GAS7: variants seen among roughly 807,000 people sequenced by gnomAD.
The protein encoded by GAS7 is growth arrest specific 7, also known as growth arrest-specific protein 7.
GAS7 carries 28 observed loss-of-function variants against 71.1 expected under a neutral mutation model. That is an observed-to-expected ratio of 0.39 (90% CI 0.29 to 0.54). GAS7 has a LOEUF of 0.54. Ranked by LOEUF, GAS7 falls within the 20% of genes least tolerant of loss-of-function variation. The probability of loss-of-function intolerance (pLI) is 0.62; values close to 1 mark genes in which losing one functional copy is unlikely to be tolerated. For missense variants in GAS7, 436 were observed against 627.8 expected (o/e 0.69, Z 3.27); for synonymous variants, 258 against 245.8 (o/e 1.05, Z -0.46).
chr17:10,030,005 G>T (rs578018290), intron 1 of GAS7, among the ~76,000 whole-genome samples: 1 of 152,300 alleles, frequency 6.6e-6, no homozygotes, highest in Admixed American at 6.5e-5. Flanking sequence ...GTGTCCTGTT[G>T]TCCCTCCTGC....
chr17:10,077,758 C>T (rs1003403871), intron 1 of GAS7, among the ~76,000 whole-genome samples: 3 of 152,162 alleles, frequency 2.0e-5, no homozygotes, highest in Non-Finnish European at 4.4e-5. Flanking sequence ...AGATTAAGAT[C>T]AGACCAATTT....
At chr17:10,144,228 C>G (rs1026335176) in intron 1 of GAS7, among the ~76,000 whole-genome samples, 1 of 152,194 alleles carries the variant, frequency 6.6e-6, no homozygotes, top group Non-Finnish European at 1.5e-5. Context: ...CAGCTGTGCC[C>G]ACCTGCTAGT....
intron 1 of GAS7, among the ~76,000 whole-genome samples, chr17:10,047,568 C>A (rs905126137): frequency 1.3e-5 from 2 of 151,926 alleles, no homozygotes; most frequent in African/African-American, 4.8e-5. Context: ...CCTGAAAGCA[C>A]AAAGGAAGAG....
chr17:10,090,809 C>T (rs532173503), intron 1 of GAS7, among the ~76,000 whole-genome samples: 130 of 152,226 alleles, frequency 8.5e-4, no homozygotes, highest in African/African-American at 3.0e-3. Flanking sequence ...CTCAAAACGA[C>T]GGGATGGCAA....
In GAS7 at chr17:9,914,534, TAA is replaced by T. The variant is rs879811965; in HGVS notation, c.*2692_*2693del. On this transcript the variant is annotated 3_prime_UTR_variant, in exon 14 of 14. Coordinates refer to ENST00000432992, the MANE Select transcript of GAS7 (RefSeq NM_201433.2). ...AGCCACCGTGCCCGACCCTTATTTG[TAA>T]AGAGTTATTTAAAGCAAACAGAGAA... 4 of 190,158 alleles carry T rather than the reference TAA, an allele frequency of 2.1e-5. No individual in the cohort carries two copies. The highest frequency in any genetic ancestry group is 4.4e-5 in the Non-Finnish European group (4 of 90,704). The allele number at this position is 190,158 out of a possible 1,614,324, so 11.8% of individuals were successfully genotyped here.
intron 1 of GAS7, among the ~76,000 whole-genome samples, chr17:10,114,966 G>A (rs1485949505): frequency 6.6e-6 from 1 of 152,176 alleles, no homozygotes; most frequent in Non-Finnish European, 1.5e-5. Context: ...GTGGCTGGCA[G>A]GGCTGGGCCA....
chr17:10,167,073 T>TTTTTTTTTTTC (rs138918612), intron 1 of GAS7, among the ~76,000 whole-genome samples: 6 of 116,074 alleles, frequency 5.2e-5, no homozygotes, highest in South Asian at 3.1e-4. Flanking sequence ...TTTTTTTTTT[T>TTTTTTTTTTTC]TGAGACAGAG....
chr17:9,965,011 G>A (rs1041968076), intron 4 of GAS7, among the ~76,000 whole-genome samples: 14 of 152,068 alleles, frequency 9.2e-5, no homozygotes, highest in African/African-American at 2.9e-4. Context: ...TGGGAAGTTC[G>A]TGAGAAGCCA....
chr17:9,916,458 T>G lies in GAS7; in HGVS notation c.*770A>C, dbSNP rs1567763404. The G allele has an allele frequency of 1.3e-5, 3 of 234,136 alleles. No homozygotes were observed. In the East Asian group the frequency reaches 1.8e-4, roughly 14 times the overall value. The allele number at this position is 234,136 out of a possible 1,614,324, so 14.5% of individuals were successfully genotyped here. On this transcript the variant is annotated 3_prime_UTR_variant, in exon 14 of 14. Coordinates refer to ENST00000432992, the MANE Select transcript of GAS7 (RefSeq NM_201433.2). ...ATGAGACTGGGAAGGGCTGGCAGGGTGGGGGCAGGGGCCTCCCCGAGGAAG... is the reference window on the plus strand; with the variant it reads ...ATGAGACTGGGAAGGGCTGGCAGGGGGGGGGCAGGGGCCTCCCCGAGGAAG...
intron 1 of GAS7, chr17:10,059,722 C>A: frequency 2.0e-6 from 2 of 985,448 alleles, no homozygotes; most frequent in Non-Finnish European, 2.4e-6. Context: ...TTATGCAAAT[C>A]TGACACGCTG....
At chr17:9,956,710 G>C (rs1223965775) in intron 5 of GAS7, among the ~76,000 whole-genome samples, 2 of 152,180 alleles carry the variant, frequency 1.3e-5, no homozygotes, top group East Asian at 3.8e-4. Context: ...TCAGAATCCA[G>C]CTCCATTCTT....
At chr17:10,186,402 CTTTTT>C (rs71139025) in intron 1 of GAS7, among the ~76,000 whole-genome samples, 1 of 128,116 alleles carries the variant, frequency 7.8e-6, no homozygotes, top group African/African-American at 3.0e-5. Flanking sequence ...TATTCAAAGG[CTTTTT>C]TTTTTTTTTT....
At chr17:10,138,642 C>T (rs1042185476) in intron 1 of GAS7, among the ~76,000 whole-genome samples, 1 of 152,018 alleles carries the variant, frequency 6.6e-6, no homozygotes. Flanking sequence ...TGGTGCACAC[C>T]TGTAATCCCA....
intron 1 of GAS7, among the ~76,000 whole-genome samples, chr17:10,162,057 A>C (rs1597828238): frequency 9.2e-6 from 1 of 109,024 alleles, no homozygotes; most frequent in African/African-American, 4.1e-5. Context: ...ACAGAGCAAG[A>C]CTCCATCTCA....
chr17:10,109,312 C>T (rs28848605), intron 1 of GAS7, among the ~76,000 whole-genome samples: 2 of 152,146 alleles, frequency 1.3e-5, no homozygotes, highest in African/African-American at 4.8e-5. Flanking sequence ...AGAGTTAGAA[C>T]GGGTATGCCT....
intron 2 of GAS7, among the ~76,000 whole-genome samples, chr17:9,993,883 A>G (rs1597634440): frequency 6.6e-6 from 1 of 152,312 alleles, no homozygotes; most frequent in Non-Finnish European, 1.5e-5. Context: ...TTATACACCA[A>G]TAACAGACAA....
At chr17:9,949,169 A>G (rs959928084) in intron 5 of GAS7, among the ~76,000 whole-genome samples, 3 of 147,418 alleles carry the variant, frequency 2.0e-5, no homozygotes, top group Non-Finnish European at 2.9e-5. Flanking sequence ...GATGCGTCCA[A>G]GGGGCAGATC....
At position 10,126,536 on chromosome 17, in the gene GAS7, C is replaced by A. The variant is rs896381681; in HGVS notation, c.183+71672G>T. On this transcript the variant is annotated intron_variant, in intron 1 of 13. Transcript: ENST00000432992. ...TCACACACGCACACACAAGCACACACACAAAGAGCGCACACACGCAGACAT... is the reference window on the plus strand; with the variant it reads ...TCACACACGCACACACAAGCACACAAACAAAGAGCGCACACACGCAGACAT... Among the ~76,000 whole-genome samples, 3 of 29,752 alleles carry A rather than the reference C, an allele frequency of 1.0e-4. No individual in the cohort carries two copies. The Admixed American group carries it at 1.1e-3, about 11-fold the overall frequency. 19.5% of individuals were successfully genotyped at this position (29,752 alleles called of 152,430 possible).
At chr17:9,938,495 A>G (rs1387437844) in intron 8 of GAS7, among the ~76,000 whole-genome samples, 1 of 140,580 alleles carries the variant, frequency 7.1e-6, no homozygotes, top group Non-Finnish European at 1.5e-5. Flanking sequence ...AAAAAAAAAT[A>G]GACATCACAG....
Sources: allele counts gnomAD v4.1 joint callset (sites outside exome capture counted in the v4.1 genomes callset), GRCh38; gene constraint gnomAD v4.1.1; transcripts MANE v1.5; gene names NCBI Gene and HGNC (gene_info 2026-07-23, HGNC 2026-07-21).